The following KCNN2 variants were observed in gnomAD, a reference collection of about 807,000 sequenced individuals.
KCNN2 encodes the protein small conductance calcium-activated potassium channel protein 2.
In KCNN2, 24 loss-of-function variants were observed where a neutral mutation model predicts 55.5. The ratio of observed to expected loss-of-function variants is 0.43; its 90% CI spans 0.31 to 0.61. KCNN2 has a LOEUF of 0.61. Among genes scored for constraint, KCNN2 ranks in the 20% least tolerant of loss-of-function variants. The pLI is 0.08. For missense variants in KCNN2, 754 were observed against 853.6 expected, an observed-to-expected ratio of 0.88 and a Z score of 1.45; for synonymous variants, 431 against 336.1, an observed-to-expected ratio of 1.28 and a Z score of -3.09.
chr5:114,114,926 AG>A (rs1315001775), intron 1 of KCNN2, among the ~76,000 whole-genome samples: 1 of 152,160 alleles, frequency 6.6e-6, no homozygotes, highest in Non-Finnish European at 1.5e-5. Flanking sequence ...ATGACTTCTC[AG>A]GAGGTGTTTG....
chr5:114,124,681 A>C (rs911647743), intron 1 of KCNN2, among the ~76,000 whole-genome samples: 2 of 152,148 alleles, frequency 1.3e-5, no homozygotes, highest in African/African-American at 4.8e-5. Flanking sequence ...TGCCCTCAGG[A>C]TGGCACAATT....
chr5:114,434,364 C>T (rs1759927932), intron 3 of KCNN2, among the ~76,000 whole-genome samples: 1 of 152,102 alleles, frequency 6.6e-6, no homozygotes, highest in African/African-American at 2.4e-5. Flanking sequence ...GCTTACCTTA[C>T]CCATTTATTC....
chr5:114,199,982 T>C lies in KCNN2; in HGVS notation c.-270-21498T>C, dbSNP rs183372127. ...GACTTTAGATATTCTGAACTCTATA[T>C]GCTGTGGTGAGGACCTTTTTACAAT... On this transcript the variant is annotated intron_variant, in intron 1 of 10. Coordinates refer to the KCNN2 transcript ENST00000512097. Among the ~76,000 whole-genome samples, 596 of 152,300 alleles carry C rather than the reference T, an allele frequency of 3.9e-3. 1 individual carries two copies. The highest frequency in any genetic ancestry group is 6.0e-3 in the Non-Finnish European group (407 of 67,992).
At chr5:114,133,538 G>A (rs573069364) in intron 1 of KCNN2, among the ~76,000 whole-genome samples, 2 of 152,280 alleles carry the variant, frequency 1.3e-5, no homozygotes, top group South Asian at 4.1e-4. Context: ...AGGGAAATGA[G>A]TGCTGTGTTG....
intron 2 of KCNN2, among the ~76,000 whole-genome samples, chr5:114,241,552 A>G (rs1754620353): frequency 6.6e-6 from 1 of 151,372 alleles, no homozygotes; most frequent in Non-Finnish European, 1.5e-5. Context: ...TTCACCTTTT[A>G]AAGGACAATT....
chr5:114,403,001 T>A (rs942778602), intron 2 of KCNN2, among the ~76,000 whole-genome samples: 3 of 152,042 alleles, frequency 2.0e-5, no homozygotes, highest in African/African-American at 7.2e-5. Flanking sequence ...AGCAAGTGCA[T>A]TGGGGAGAAT....
intron 1 of KCNN2, among the ~76,000 whole-genome samples, chr5:114,212,197 T>C (rs1441275074): frequency 6.6e-6 from 1 of 152,012 alleles, no homozygotes; most frequent in African/African-American, 2.4e-5. Flanking sequence ...TATAGTGAAA[T>C]ATTATTTGGC....
intron 1 of KCNN2, among the ~76,000 whole-genome samples, chr5:114,220,372 G>A (rs551265654): frequency 2.0e-5 from 3 of 152,122 alleles, no homozygotes; most frequent in East Asian, 3.9e-4. Flanking sequence ...GTAGTGGGCA[G>A]GAGAGAGGAA....
intron 1 of KCNN2, among the ~76,000 whole-genome samples, chr5:114,144,723 G>A (rs1042610446): frequency 1.3e-4 from 20 of 151,130 alleles, no homozygotes; most frequent in Admixed American, 1.2e-3. Flanking sequence ...AACATATATG[G>A]TGGTTTAACA....
chr5:114,329,390 C>T (rs931655727), intron 2 of KCNN2, among the ~76,000 whole-genome samples: 22 of 152,302 alleles, frequency 1.4e-4, no homozygotes, highest in African/African-American at 5.1e-4. Context: ...GCTGCCAGTG[C>T]GGCTAGAATA....
At chr5:114,380,853 A>T (rs968492727) in intron 2 of KCNN2, among the ~76,000 whole-genome samples, 4 of 152,156 alleles carry the variant, frequency 2.6e-5, no homozygotes, top group Admixed American at 2.6e-4. Context: ...AGTAGCACTT[A>T]TCAGACTCTG....
At chr5:114,304,395 A>AGTG (rs1561563262) in intron 2 of KCNN2, among the ~76,000 whole-genome samples, 1 of 152,166 alleles carries the variant, frequency 6.6e-6, no homozygotes, top group Non-Finnish European at 1.5e-5. Flanking sequence ...ATGTGAATGT[A>AGTG]CCATTTTTGC....
intron 2 of KCNN2, among the ~76,000 whole-genome samples, chr5:114,276,269 T>C (rs1755485662): frequency 1.3e-5 from 2 of 152,110 alleles, no homozygotes; most frequent in African/African-American, 4.8e-5. Flanking sequence ...AATTTTAGAA[T>C]AAGTGCGATG....
chr5:114,129,452 G>A (rs115668986), intron 1 of KCNN2, among the ~76,000 whole-genome samples: 3,979 of 152,262 alleles, frequency 0.026, 185 homozygotes, highest in African/African-American at 0.09. Context: ...GTAACAAGAA[G>A]AAAAAGGGAA....
intron 2 of KCNN2, among the ~76,000 whole-genome samples, chr5:114,246,031 G>A (rs1355290945): frequency 6.6e-6 from 1 of 152,126 alleles, no homozygotes; most frequent in Non-Finnish European, 1.5e-5. Context: ...TTTCTTGGAG[G>A]ATCAGGGTGG....
At chr5:114,325,020 T>G (rs916766892) in intron 2 of KCNN2, among the ~76,000 whole-genome samples, 1 of 152,194 alleles carries the variant, frequency 6.6e-6, no homozygotes, top group Non-Finnish European at 1.5e-5. Context: ...AAGGAACTTG[T>G]TATTGCAAGC....
At position 114,396,695 on chromosome 5, in the gene KCNN2, C is replaced by T. The variant is rs1486570641; in HGVS notation, c.1219-7743C>T. On this transcript the variant is annotated intron_variant, in intron 2 of 7. Coordinates refer to ENST00000673685, the MANE Select transcript of KCNN2 (RefSeq NM_021614.4). ...TCCCGAGTAGCTGGGACTATAGGCA[C>T]GCATCACCACACCTGGCTAATTTTT... Among the ~76,000 whole-genome samples the T allele has an allele frequency of 3.9e-5, 6 of 151,948 alleles. No individual in the cohort carries two copies. In the East Asian group the frequency reaches 5.8e-4, roughly 15 times the overall value.
chr5:114,154,634 C>A (rs1752594071), intron 1 of KCNN2, among the ~76,000 whole-genome samples: 1 of 152,118 alleles, frequency 6.6e-6, no homozygotes, highest in African/African-American at 2.4e-5. Context: ...TACTTGTAGG[C>A]ATGTCTCTGG....
At chr5:114,338,988 C>T (rs1756971436) in intron 2 of KCNN2, among the ~76,000 whole-genome samples, 1 of 152,164 alleles carries the variant, frequency 6.6e-6, no homozygotes, top group African/African-American at 2.4e-5. Context: ...GACCTTGGGC[C>T]ATTAAAGAAC....
Sources: gnomAD v4.1 joint callset for allele counts (sites outside exome capture counted in the v4.1 genomes callset) on GRCh38, gnomAD v4.1.1 for gene constraint, MANE v1.5 for transcripts, NCBI Gene and HGNC (gene_info 2026-07-23, HGNC 2026-07-21) for gene names.